The following AMHR2 variants were observed in gnomAD, a reference collection of about 807,000 sequenced individuals.
AMHR2 encodes the protein anti-Muellerian hormone type-2 receptor.
A neutral mutation model predicts 61.4 loss-of-function variants in AMHR2; 36 were observed. The observed-to-expected ratio is 0.59, with a 90% CI of 0.45 to 0.77. The LOEUF (loss-of-function observed/expected upper bound fraction) is 0.77, where lower values mean the gene tolerates loss of function less well. Among genes scored for constraint, AMHR2 ranks in the 30% least tolerant of loss-of-function variants. AMHR2 has a pLI of 0.00. For synonymous variants in AMHR2, 258 were observed against 279.4 expected (o/e 0.92, Z 0.76); for missense variants, 638 against 714.6 (o/e 0.89, Z 1.22).
chr12:53,430,424 G>C (rs1940014674), intron 10 of AMHR2, 142 bp downstream of exon 10: 1 of 1,346,106 alleles, frequency 7.4e-7, no homozygotes, highest in Non-Finnish European at 1.0e-6. Context: ...AGCTGGAACT[G>C]GGCAAGCCTC....
Position 53,429,838 on chromosome 12 carries a change from C to G in AMHR2, c.1148C>G (p.Thr383Ser), listed in dbSNP as rs922556196. Reference protein sequence around the residue: ...QGPAAIMEAGTQRYMAPELLD... With the variant: ...QGPAAIMEAGSQRYMAPELLD... Reference sequence around the variant, plus strand: ...TCGTGCCTTGCTCTCCAGGCTGGCACCCAGAGGTACATGGCACCAGAGCTC... The same window carrying G: ...TCGTGCCTTGCTCTCCAGGCTGGCAGCCAGAGGTACATGGCACCAGAGCTC... The change falls in exon 9 of 11, where the codon ACC (threonine) becomes AGC (serine). Residue 383 changes from threonine (T) to serine (S), a missense_variant. Coordinates refer to ENST00000257863, the MANE Select transcript of AMHR2 (RefSeq NM_020547.3). 1 of 1,614,192 alleles carries G rather than the reference C, an allele frequency of 6.2e-7. No individual in the cohort carries two copies. The highest frequency in any genetic ancestry group is 8.5e-7 in the Non-Finnish European group (1 of 1,180,034).
chr12:53,429,508 T>G lies in AMHR2; in HGVS notation c.1023T>G (p.Ile341Met). 6.2e-7 allele frequency: 1 copy of G among 1,612,270 alleles called. No individual in the cohort carries two copies. The highest frequency in any genetic ancestry group is 1.3e-5 in the African/African-American group (1 of 74,182). The stretch of plus-strand genomic sequence containing the variant: ...ATCTGAGCAGCCAGAATGTGCTCAT[T>G]CGGGAAGATGGATCGTGTGCCATTG... ...HRDLSSQNVL[I>M]REDGSCAIGD... Residue 341 changes from isoleucine to methionine, a missense_variant, in exon 8 of 11, where the codon ATT becomes ATG. Physicochemically the swap from Ile to Met is conservative, Grantham distance 10. Transcript: ENST00000257863.
chr12:53,428,898 C>A lies in AMHR2; in HGVS notation c.855C>A (p.Gly285=), dbSNP rs997522912. 4 of 1,550,550 alleles carry A rather than the reference C, an allele frequency of 2.6e-6. No individual in the cohort carries two copies. Among genetic ancestry groups the A allele is most frequent in the Non-Finnish European group, 2.6e-6 (3 of 1,146,240 alleles). The change falls in exon 7 of 11, where the codon GGC becomes GGA. Residue 285 remains glycine (G), a splice_region_variant and synonymous_variant. Coordinates refer to ENST00000257863, the MANE Select transcript of AMHR2 (RefSeq NM_020547.3). ...PLLVLELHPK[G]SLCHYLTQYT... ...CTTTTCTCTCTGCGTTTCCCCAGGG[C>A]TCCCTGTGCCACTACTTGACCCAGT...
intron 6 of AMHR2, among the ~76,000 whole-genome samples, chr12:53,428,310 A>G (rs549431759): frequency 6.6e-6 from 1 of 152,172 alleles, no homozygotes; most frequent in South Asian, 2.1e-4. Context: ...CCTTCCCTCC[A>G]ATTCCCACTT....
Position 53,423,990 on chromosome 12 carries a change from G to A in AMHR2, c.49+7G>A, listed in dbSNP as rs368565437. Reference sequence around the variant, plus strand: ...CTTCCCACAGCTGTGGAAGGTAAGTGTCTACAGGGAGGGGAAGGGTCTCTC... The same window carrying A: ...CTTCCCACAGCTGTGGAAGGTAAGTATCTACAGGGAGGGGAAGGGTCTCTC... On this transcript the variant is annotated splice_region_variant and intron_variant, in intron 1 of 10. Coordinates refer to ENST00000257863, the MANE Select transcript of AMHR2 (RefSeq NM_020547.3). 3.7e-5 allele frequency: 59 copies of A among 1,613,950 alleles called. No homozygotes were observed. The highest frequency in any genetic ancestry group is 2.7e-5 in the Non-Finnish European group (32 of 1,179,978).
At position 53,428,975 on chromosome 12, in the gene AMHR2, G is replaced by A. The variant is rs1939862851; in HGVS notation, c.932G>A (p.Gly311Asp). 1.9e-6 allele frequency: 3 copies of A among 1,551,502 alleles called. No individual in the cohort carries two copies. The highest frequency in any genetic ancestry group is 2.6e-6 in the Non-Finnish European group (3 of 1,147,026). The change falls in exon 7 of 11, where the codon GGC (glycine) becomes GAC (aspartate). Residue 311 changes from glycine to aspartate, a missense_variant. Coordinates refer to ENST00000257863, the MANE Select transcript of AMHR2 (RefSeq NM_020547.3). ...CGGATGGCACTGTCCCTGGCCCAGG[G>A]CCTGGCATTTCTCCATGAGGAGCGC... is the stretch of plus-strand genomic sequence containing the variant. ...SLRMALSLAQ[G>D]LAFLHEERWQ...
chr12:53,427,393 TTTTTA>T (rs1198181076), intron 6 of AMHR2, among the ~76,000 whole-genome samples: 1 of 152,142 alleles, frequency 6.6e-6, no homozygotes, highest in Non-Finnish European at 1.5e-5. Flanking sequence ...CGCTACCCGC[TTTTTA>T]TTTTATTTTA....
rs1398006163 is a variant in AMHR2, at chr12:53,431,209, C to G, written c.1458C>G (p.Asp486Glu). The G allele has an allele frequency of 5.0e-6, 8 of 1,614,244 alleles. No homozygotes were observed. The highest frequency in any genetic ancestry group is 5.9e-6 in the Non-Finnish European group (7 of 1,180,048). ...ATGGGCTGAGGGAGCTCCTAGAAGACTGTTGGGATGCAGACCCAGAAGCAC... is the reference window on the plus strand; with the variant it reads ...ATGGGCTGAGGGAGCTCCTAGAAGAGTGTTGGGATGCAGACCCAGAAGCAC... ...DPDGLRELLE[D>E]CWDADPEARL... The change falls in exon 11 of 11, where the codon GAC (aspartate) becomes GAG (glutamate). Residue 486 changes from aspartate to glutamate, a missense_variant. Asp to Glu is a conservative substitution (Grantham distance 45). Coordinates refer to ENST00000257863, the MANE Select transcript of AMHR2 (RefSeq NM_020547.3).
At position 53,429,558 on chromosome 12, in the gene AMHR2, T is replaced by A; in HGVS notation, c.1073T>A (p.Leu358His). The A allele has an allele frequency of 6.2e-7, 1 of 1,613,658 alleles. No individual in the cohort carries two copies. Among genetic ancestry groups the A allele is most frequent in the East Asian group, 2.2e-5 (1 of 44,832 alleles). Residue 358 changes from leucine (L) to histidine (H), a missense_variant, in exon 8 of 11, where the codon CTC becomes CAC. Coordinates refer to ENST00000257863, the MANE Select transcript of AMHR2 (RefSeq NM_020547.3). ...AIGDLGLALV[L>H]PGLTQPPAWT... The stretch of plus-strand genomic sequence containing the variant: ...GGAGACCTGGGCCTTGCCTTGGTGC[T>A]CCCTGGCCTCACTCAGCCCCCTGCC...
At position 53,430,464 on chromosome 12, in the gene AMHR2, C is replaced by T. The variant is rs943386234; in HGVS notation, c.1425+182C>T. 1.8e-5 allele frequency: 16 copies of T among 886,052 alleles called. No individual in the cohort carries two copies. In the Admixed American group the frequency reaches 1.9e-4, roughly 11 times the overall value. 54.9% of individuals were successfully genotyped at this position (886,052 alleles called of 1,614,324 possible). On this transcript the variant is annotated intron_variant, in intron 10 of 10. Transcript: ENST00000257863. The stretch of plus-strand genomic sequence containing the variant: ...CCCCGTCAGTTCATCCTCTTCCACC[C>T]TAAGTCTCACACAGTCGATTCCATC...
intron 1 of AMHR2, 102 bp downstream of exon 1, chr12:53,424,085 G>A (rs1269081993): frequency 1.4e-6 from 2 of 1,412,056 alleles, no homozygotes; most frequent in Non-Finnish European, 2.0e-6. Flanking sequence ...TGAGTGGGCT[G>A]GGTGAGTAAG....
chr12:53,429,444 C>T lies in AMHR2; in HGVS notation c.968-9C>T. ...ATCCATGTTCCTTCAACCTTGGATTCCCCCACAGGCCAATATAAACCAGGT... is the reference window on the plus strand; with the variant it reads ...ATCCATGTTCCTTCAACCTTGGATTTCCCCACAGGCCAATATAAACCAGGT... On this transcript the variant is annotated splice_polypyrimidine_tract_variant and intron_variant, in intron 7 of 10. Coordinates refer to ENST00000257863, the MANE Select transcript of AMHR2 (RefSeq NM_020547.3). The T allele has an allele frequency of 1.2e-6, 2 of 1,610,194 alleles. No homozygotes were observed. The highest frequency in any genetic ancestry group is 2.2e-5 in the East Asian group (1 of 44,828).
chr12:53,424,673 C>A (rs368832617), intron 2 of AMHR2, 36 bp from the exon 3 acceptor site: 60 of 1,601,996 alleles, frequency 3.7e-5, no homozygotes, highest in East Asian at 2.7e-4. Flanking sequence ...CCTTGCCCCC[C>A]CTTTCTCTCC....
chr12:53,424,591 T>C (rs532173544), intron 2 of AMHR2, 118 bp from the exon 3 acceptor site: 3 of 1,544,716 alleles, frequency 1.9e-6, no homozygotes, highest in South Asian at 2.3e-5. Flanking sequence ...GAAAAGCCCA[T>C]GAGAGCTGGA....
chr12:53,424,922 A>C, intron 3 of AMHR2, 22 bp downstream of exon 3: 1 of 1,605,506 alleles, frequency 6.2e-7, no homozygotes, highest in Non-Finnish European at 8.5e-7. Context: ...AGGGTACTGA[A>C]GCCTGATGGG....
At chr12:53,430,312 C>T (rs1940003775) in intron 10 of AMHR2, 30 bp downstream of exon 10, 1 of 1,614,002 alleles carries the variant, frequency 6.2e-7, no homozygotes, top group Non-Finnish European at 8.5e-7. Flanking sequence ...GGTCTGGGAA[C>T]CTGGAGAGTG....
chr12:53,428,877 T>C lies in AMHR2; in HGVS notation c.853-19T>C. 1 of 1,537,020 alleles carries C rather than the reference T, an allele frequency of 6.5e-7. No individual in the cohort carries two copies. The highest frequency in any genetic ancestry group is 8.8e-7 in the Non-Finnish European group (1 of 1,134,298). ...TCTCCAGCTTTGTGTACCATCCTTT[T>C]CTCTCTGCGTTTCCCCAGGGCTCCC... On this transcript the variant is annotated intron_variant, in intron 6 of 10. Transcript: ENST00000257863.
At chr12:53,426,826 G>A (rs1939638021) in intron 6 of AMHR2, among the ~76,000 whole-genome samples, 1 of 151,646 alleles carries the variant, frequency 6.6e-6, no homozygotes, top group South Asian at 2.1e-4. Flanking sequence ...GGGATTACAG[G>A]CGCTTGCCAC....
At position 53,424,785 on chromosome 12, in the gene AMHR2, C is replaced by G; in HGVS notation, c.309C>G (p.Gly103=). The change falls in exon 3 of 11, where the codon GGC becomes GGG. Residue 103 remains glycine (G), a synonymous_variant. Coordinates refer to ENST00000257863, the MANE Select transcript of AMHR2 (RefSeq NM_020547.3). The part of the protein sequence containing the change: ...DPSPRAHPSP[G]STLFTCSCGT... ...GTCCCCGAGCCCACCCCAGCCCTGG[C>G]TCCACTCTCTTCACCTGCTCCTGTG... 1.2e-6 allele frequency: 2 copies of G among 1,614,058 alleles called. No individual in the cohort carries two copies. The highest frequency in any genetic ancestry group is 1.7e-6 in the Non-Finnish European group (2 of 1,179,976).
Sources: allele counts gnomAD v4.1 joint callset (sites outside exome capture counted in the v4.1 genomes callset), GRCh38; gene constraint gnomAD v4.1.1; transcripts MANE v1.5; gene names NCBI Gene and HGNC (gene_info 2026-07-23, HGNC 2026-07-21).